UGT1A9: variants seen among roughly 807,000 people sequenced by gnomAD.
The protein encoded by UGT1A9 is UDP-glucuronosyltransferase 1A9.
UGT1A9 carries 35 observed loss-of-function variants against 45.0 expected under a neutral mutation model. The ratio of observed to expected loss-of-function variants is 0.78; its 90% CI spans 0.59 to 1.03. The LOEUF (loss-of-function observed/expected upper bound fraction) is 1.03, where lower values mean the gene tolerates loss of function less well. Among genes scored for constraint, UGT1A9 ranks in the 50% least tolerant of loss-of-function variants. UGT1A9 has a pLI of 0.00. For missense variants in UGT1A9, 687 were observed against 666.6 expected, an observed-to-expected ratio of 1.03 and a Z score of -0.34; for synonymous variants, 278 against 250.6, an observed-to-expected ratio of 1.11 and a Z score of -1.03.
At chr2:233,682,556 G>A (rs2125523807) in intron 1 of UGT1A9, 4 of 1,613,932 alleles carry the variant, frequency 2.5e-6, no homozygotes, top group East Asian at 4.5e-5. Context: ...CAAGGAGAGA[G>A]TATGGAACCA....
chr2:233,768,423 G>A lies in UGT1A9; in HGVS notation c.1279G>A (p.Val427Ile). The A allele has an allele frequency of 6.2e-7, 1 of 1,614,098 alleles. No homozygotes were observed. The highest frequency in any genetic ancestry group is 8.5e-7 in the Non-Finnish European group (1 of 1,180,004). The change falls in exon 4 of 5, where the codon GTC (valine) becomes ATC (isoleucine). Residue 427 changes from valine to isoleucine, a missense_variant. Coordinates refer to ENST00000354728, the MANE Select transcript of UGT1A9 (RefSeq NM_021027.3). ...AGATTTAGAAAATGCTCTAAAAGCA[G>A]TCATCAATGACAAAAGGTAAGAAAG... ...SEDLENALKAVINDKSYKENI... is the reference protein window; with the variant it reads ...SEDLENALKAIINDKSYKENI...
rs146693320 is a variant in UGT1A9 at position 233,769,441 on chromosome 2, G to A, written c.1295+1002G>A. On this transcript the variant is annotated intron_variant, in intron 4 of 4. Transcript: ENST00000354728. The surrounding 1 kb of genome is among the most constrained non-coding windows in gnomAD (Gnocchi z 4.4). The stretch of plus-strand genomic sequence containing the variant: ...TGCATGTGGCTGTGCTCATGTGTGG[G>A]TGCACACGTGTGCATTCATATGCGT... 108 of 1,546,728 alleles carry A rather than the reference G, an allele frequency of 7.0e-5. No individual in the cohort carries two copies. Among genetic ancestry groups the A allele is most frequent in the Non-Finnish European group, 9.1e-5 (102 of 1,123,582 alleles).
At position 233,772,892 on chromosome 2, in the gene UGT1A9, T is replaced by A; in HGVS notation, c.*333T>A. On this transcript the variant is annotated 3_prime_UTR_variant, in exon 5 of 5. Coordinates refer to ENST00000354728, the MANE Select transcript of UGT1A9 (RefSeq NM_021027.3). The stretch of plus-strand genomic sequence containing the variant: ...TTGGGAGTGCGGGATTCAAAGGTGG[T>A]CCCACGGCTGCCCCTACTGCAAATG... 1 of 501,562 alleles carries A rather than the reference T, an allele frequency of 2.0e-6. No homozygotes were observed. Among genetic ancestry groups the A allele is most frequent in the Non-Finnish European group, 3.2e-6 (1 of 310,918 alleles). 31.1% of individuals were successfully genotyped at this position (501,562 alleles called of 1,614,324 possible).
At chr2:233,764,255 A>G (rs1306141437) in intron 1 of UGT1A9, among the ~76,000 whole-genome samples, 1 of 152,114 alleles carries the variant, frequency 6.6e-6, no homozygotes, top group Non-Finnish European at 1.5e-5. Context: ...TTCAGTTAAT[A>G]TGTTGCTTCA....
At chr2:233,772,179 CT>C in intron 4 of UGT1A9, 82 bp from the exon 5 acceptor site, 1 of 1,585,310 alleles carries the variant, frequency 6.3e-7, no homozygotes, top group Non-Finnish European at 8.6e-7. Flanking sequence ...ATCTGGTAGT[CT>C]TCTTAAGCAG....
At chr2:233,758,946 A>G (rs1697025416) in intron 1 of UGT1A9, among the ~76,000 whole-genome samples, 3 of 152,254 alleles carry the variant, frequency 2.0e-5, no homozygotes, top group Admixed American at 1.3e-4. Flanking sequence ...ATCAGTCATC[A>G]GAATTTCCCC....
At chr2:233,754,918 G>A (rs1172980350) in intron 1 of UGT1A9, 1 of 1,353,118 alleles carries the variant, frequency 7.4e-7, no homozygotes. Flanking sequence ...TTCTCCAGCG[G>A]GTTTCCCAAG....
chr2:233,672,066 G>T lies in UGT1A9; in HGVS notation c.132G>T (p.Val44=), dbSNP rs747820037. The T allele has an allele frequency of 5.0e-6, 8 of 1,614,010 alleles. No individual in the cohort carries two copies. In the African/African-American group the frequency reaches 9.3e-5, roughly 19 times the overall value. Residue 44 remains valine (V), a synonymous_variant, in exon 1 of 5, where the codon GTG becomes GTT. Transcript: ENST00000354728. ...GCCACTGGTTCACCATGAGGTCGGT[G>T]GTGGAGAAACTCATTCTCAGGGGGC... The part of the protein sequence containing the change: ...DGSHWFTMRS[V]VEKLILRGHE...
At chr2:233,728,762 C>T (rs886147418) in intron 1 of UGT1A9, among the ~76,000 whole-genome samples, 1 of 152,142 alleles carries the variant, frequency 6.6e-6, no homozygotes, top group African/African-American at 2.4e-5. Flanking sequence ...CTCCTCAGAC[C>T]TCAGCTGCTG....
chr2:233,747,876 T>C, intron 1 of UGT1A9: 1 of 1,613,612 alleles, frequency 6.2e-7, no homozygotes, highest in South Asian at 1.1e-5. Context: ...GGCCCTGTCC[T>C]ACCTTTGCCA....
chr2:233,734,221 A>G (rs1167860302), intron 1 of UGT1A9, among the ~76,000 whole-genome samples: 2 of 152,172 alleles, frequency 1.3e-5, no homozygotes, highest in Non-Finnish European at 2.9e-5. Flanking sequence ...TGGTCTATTC[A>G]GAGATTCAAC....
intron 1 of UGT1A9, among the ~76,000 whole-genome samples, chr2:233,675,777 A>T (rs1327372769): frequency 1.3e-5 from 2 of 152,202 alleles, no homozygotes; most frequent in Non-Finnish European, 2.9e-5. Flanking sequence ...AAAACTTTTA[A>T]AAATAAATTT....
chr2:233,720,322 A>G (rs1355455978), intron 1 of UGT1A9, among the ~76,000 whole-genome samples: 2 of 152,124 alleles, frequency 1.3e-5, no homozygotes, highest in African/African-American at 4.8e-5. Context: ...ATGTGGGGAC[A>G]TCGTAGAGTT....
intron 1 of UGT1A9, chr2:233,693,061 A>G (rs1042707): frequency 6.2e-7 from 1 of 1,614,096 alleles, no homozygotes; most frequent in African/African-American, 1.3e-5. Context: ...TCTTCTTAGC[A>G]CTTTGGGGCA....
At chr2:233,706,753 C>T (rs1051377553) in intron 1 of UGT1A9, among the ~76,000 whole-genome samples, 3 of 152,174 alleles carry the variant, frequency 2.0e-5, no homozygotes, top group African/African-American at 7.2e-5. Context: ...AAGCAGAGTG[C>T]CGTACACTGG....
At chr2:233,693,015 T>C in intron 1 of UGT1A9, 2 of 1,614,174 alleles carry the variant, frequency 1.2e-6, no homozygotes, top group Non-Finnish European at 1.7e-6. Flanking sequence ...ATGGCCTGCC[T>C]CCTTCGCTCA....
Position 233,690,582 on chromosome 2 carries a change from C to T in UGT1A9, c.855+17793C>T, listed in dbSNP as rs373003264. The T allele has an allele frequency of 2.3e-6, 3 of 1,283,748 alleles. No individual in the cohort carries two copies. The African/African-American group carries it at 4.6e-5, about 20-fold the overall frequency. The allele number at this position is 1,283,748 out of a possible 1,614,324, so 79.5% of individuals were successfully genotyped here. Reference sequence around the variant, plus strand: ...CCTGAGTCATTCAGCCTGCAGCAATCCCTGAGAAAAAAAAAAAATCGGCCT... The same window carrying T: ...CCTGAGTCATTCAGCCTGCAGCAATTCCTGAGAAAAAAAAAAAATCGGCCT... On this transcript the variant is annotated intron_variant, in intron 1 of 4. Transcript: ENST00000354728.
chr2:233,770,205 T>G (rs1217853012), intron 4 of UGT1A9: 1 of 152,310 alleles, frequency 6.6e-6, no homozygotes, highest in Non-Finnish European at 1.5e-5. Flanking sequence ...TATTCATTTT[T>G]GAGCCATCCC....
chr2:233,771,578 C>T (rs531656313), intron 4 of UGT1A9: 100 of 152,372 alleles, frequency 6.6e-4, no homozygotes, highest in African/African-American at 2.3e-3. Flanking sequence ...TGGTTGTTTA[C>T]AACTTCAAAT....
Sources: allele counts gnomAD v4.1 joint callset (sites outside exome capture counted in the v4.1 genomes callset), GRCh38; gene constraint gnomAD v4.1.1; non-coding constraint Gnocchi (gnomAD v3.1); transcripts MANE v1.5; gene names NCBI Gene and HGNC (gene_info 2026-07-23, HGNC 2026-07-21).